The following LARGE1 variants were observed in gnomAD, a reference collection of about 807,000 sequenced individuals.
LARGE1 encodes the protein LARGE xylosyl- and glucuronyltransferase 1, also known as xylosyl- and glucuronyltransferase LARGE1.
A neutral mutation model predicts 87.6 loss-of-function variants in LARGE1; 43 were observed. That is an observed-to-expected ratio of 0.49 (90% confidence interval 0.38 to 0.63). LARGE1 has a LOEUF of 0.63. Ranked by LOEUF, LARGE1 falls within the 30% of genes least tolerant of loss-of-function variation. The pLI is 0.00. For synonymous variants in LARGE1, 434 were observed against 394.6 expected (o/e 1.10, Z -1.18); for missense variants, 802 against 1,000.2 (o/e 0.80, Z 2.67).
rs1025496510 is a variant in LARGE1, at chr22:33,202,281, G to A, written c.1731-35449C>T. Among the ~76,000 whole-genome samples the A allele has an allele frequency of 5.9e-5, 9 of 152,114 alleles. No individual in the cohort carries two copies. The East Asian group carries it at 9.7e-4, about 16-fold the overall frequency. On this transcript the variant is annotated intron_variant, in intron 11 of 11. Coordinates refer to the LARGE1 transcript ENST00000608642. ...CCCTAACAGGTGAATATGATCCACC[G>A]TTTCTGTACTGTGAGCAGAGTCTGT... is the stretch of plus-strand genomic sequence containing the variant.
intron 9 of LARGE1, among the ~76,000 whole-genome samples, chr22:33,349,818 T>C (rs1011916163): frequency 1.3e-5 from 2 of 152,214 alleles, no homozygotes; most frequent in Non-Finnish European, 2.9e-5. Flanking sequence ...CACAGATTCC[T>C]ATTGCCTTTT....
chr22:33,891,580 T>C (rs551958888), intron 1 of LARGE1, among the ~76,000 whole-genome samples: 15 of 152,290 alleles, frequency 9.8e-5, no homozygotes, highest in Non-Finnish European at 1.6e-4. Context: ...ACCTGGAAAA[T>C]TGACCCAACA....
At position 33,564,859 on chromosome 22, in the gene LARGE1, T is replaced by C; in HGVS notation, c.776A>G (p.His259Arg). 1 of 1,614,178 alleles carries C rather than the reference T, an allele frequency of 6.2e-7. No individual in the cohort carries two copies. The highest frequency in any genetic ancestry group is 8.5e-7 in the Non-Finnish European group (1 of 1,180,026). The change falls in exon 6 of 15, where the codon CAC becomes CGC. Residue 259 changes from histidine (H) to arginine (R), a missense_variant. His to Arg is a conservative substitution (Grantham distance 29). Transcript: ENST00000397394. ...TDIAELWAVFHKFKGQQVLGL... is the reference protein window; with the variant it reads ...TDIAELWAVFRKFKGQQVLGL... ...TGGGCTACCATTACCTTTGAACTTG[T>C]GGAACACAGCCCACAGCTCTGCAAT... is the stretch of plus-strand genomic sequence containing the variant.
chr22:33,718,083 T>C (rs1313064722), intron 2 of LARGE1, among the ~76,000 whole-genome samples: 1 of 152,224 alleles, frequency 6.6e-6, no homozygotes, highest in East Asian at 1.9e-4. Flanking sequence ...TTCCATGTGG[T>C]TGCAGAAAAT....
At chr22:33,289,304 G>A (rs746038287) in intron 12 of LARGE1, among the ~76,000 whole-genome samples, 3 of 152,140 alleles carry the variant, frequency 2.0e-5, no homozygotes, top group Non-Finnish European at 4.4e-5. Flanking sequence ...GAACCTTGCT[G>A]ATACAATGGG....
chr22:33,852,433 A>C (rs955460846), intron 1 of LARGE1, among the ~76,000 whole-genome samples: 2 of 152,218 alleles, frequency 1.3e-5, no homozygotes, highest in Non-Finnish European at 2.9e-5. Flanking sequence ...TCTGGGCACA[A>C]GATCGATAAA....
At chr22:33,124,382 A>G in the LARGE1 span, among the ~76,000 whole-genome samples, 11 of 148,968 alleles carry the variant, frequency 7.4e-5, no homozygotes, top group Middle Eastern at 0.01. Context: ...GGAAGGAAGG[A>G]AGGGAGGAAG....
intron 11 of LARGE1, among the ~76,000 whole-genome samples, chr22:33,261,116 G>A (rs952923477): frequency 2.6e-5 from 4 of 152,122 alleles, no homozygotes; most frequent in East Asian, 1.9e-4. Context: ...GCACCCCTTC[G>A]TGCTCGCCTG....
At chr22:33,758,637 G>A (rs757228841) in intron 2 of LARGE1, among the ~76,000 whole-genome samples, 19 of 152,180 alleles carry the variant, frequency 1.2e-4, no homozygotes, top group Non-Finnish European at 2.6e-4. Context: ...CCAGTCTGGT[G>A]AAATTGCTCA....
Position 33,233,287 on chromosome 22 carries a change from T to C in LARGE1, c.1731-66455A>G, listed in dbSNP as rs141137675. On this transcript the variant is annotated intron_variant, in intron 11 of 11. Transcript: ENST00000608642. The stretch of plus-strand genomic sequence containing the variant: ...TAGGTGGTGGTGGTGTTAGTGATGA[T>C]GATGATGATGATGATAATGATGATG... 4.4e-3 allele frequency among the ~76,000 whole-genome samples: 667 copies of C among 152,150 alleles called. 7 individuals are homozygous for C. The East Asian group carries it at 0.05, about 11-fold the overall frequency.
intron 6 of LARGE1, among the ~76,000 whole-genome samples, chr22:33,513,679 A>G (rs1255052397): frequency 6.6e-6 from 1 of 152,224 alleles, no homozygotes; most frequent in Non-Finnish European, 1.5e-5. Context: ...TTGAGTTGGA[A>G]GAGACAAGAG....
At chr22:33,400,578 T>C (rs1290341179) in intron 7 of LARGE1, among the ~76,000 whole-genome samples, 1 of 152,216 alleles carries the variant, frequency 6.6e-6, no homozygotes, top group Admixed American at 6.5e-5. Flanking sequence ...CGGCACACGA[T>C]GATGTCTCAT....
the LARGE1 span, among the ~76,000 whole-genome samples, chr22:33,083,764 G>C: frequency 1.3e-5 from 2 of 152,146 alleles, no homozygotes; most frequent in Non-Finnish European, 1.5e-5. Flanking sequence ...TCTTGAGAAA[G>C]GTCCCTGCCA....
At chr22:33,815,341 C>T (rs188683361) in intron 1 of LARGE1, among the ~76,000 whole-genome samples, 63 of 152,298 alleles carry the variant, frequency 4.1e-4, no homozygotes, top group African/African-American at 1.4e-3. Context: ...AGCTGTTCAA[C>T]GTGAATGGCA....
downstream of LARGE1, among the ~76,000 whole-genome samples, chr22:33,272,504 T>C (rs1928351146): frequency 6.6e-6 from 1 of 152,238 alleles, no homozygotes; most frequent in Non-Finnish European, 1.5e-5. Context: ...GACTTTGACA[T>C]GTACTTTCAA....
the LARGE1 span, among the ~76,000 whole-genome samples, chr22:33,152,053 C>G: frequency 1.3e-5 from 2 of 152,044 alleles, no homozygotes; most frequent in African/African-American, 4.8e-5. Context: ...GTGCAATCAT[C>G]TTGGCCTGGA....
At chr22:33,467,794 G>C (rs567594147) in intron 6 of LARGE1, among the ~76,000 whole-genome samples, 2 of 152,296 alleles carry the variant, frequency 1.3e-5, no homozygotes, top group South Asian at 2.1e-4. Flanking sequence ...GGCGCTGGCT[G>C]CTCCGGCTCT....
intron 9 of LARGE1, among the ~76,000 whole-genome samples, chr22:33,341,257 A>G (rs5998887): frequency 0.13 from 19,673 of 151,886 alleles, 2,635 homozygotes; most frequent in African/African-American, 0.35. Context: ...CTATGAACCG[A>G]AAGGCATGCC....
intron 1 of LARGE1, among the ~76,000 whole-genome samples, chr22:33,835,601 A>T (rs984606933): frequency 6.6e-6 from 1 of 152,218 alleles, no homozygotes; most frequent in African/African-American, 2.4e-5. Flanking sequence ...TATTCATGCT[A>T]AAGACTTGCT....
Sources: allele counts gnomAD v4.1 joint callset (sites outside exome capture counted in the v4.1 genomes callset), GRCh38; gene constraint gnomAD v4.1.1; transcripts MANE v1.5; gene names NCBI Gene and HGNC (gene_info 2026-07-23, HGNC 2026-07-21).